The following NPSR1 variants were observed in gnomAD, a reference collection of about 807,000 sequenced individuals.
The protein encoded by NPSR1 is neuropeptide S receptor.
Under a neutral mutation model 46.9 loss-of-function variants are expected in NPSR1, and 48 were observed. The ratio of observed to expected loss-of-function variants is 1.02; its 90% CI spans 0.81 to 1.30. NPSR1 has a LOEUF of 1.30. Among genes scored for constraint, NPSR1 ranks in the 50% most tolerant of loss-of-function variants. The pLI, the probability that NPSR1 is intolerant of heterozygous loss-of-function variation, is 0.00. For missense variants in NPSR1, 450 were observed against 449.5 expected, an observed-to-expected ratio of 1.00 and a Z score of -0.01; for synonymous variants, 176 against 168.1, an observed-to-expected ratio of 1.05 and a Z score of -0.36.
At chr7:34,804,845 A>G (rs1038723295) in intron 3 of NPSR1, among the ~76,000 whole-genome samples, 2 of 152,052 alleles carry the variant, frequency 1.3e-5, no homozygotes, top group African/African-American at 4.8e-5. Context: ...AAAAAATGGC[A>G]ACACTGAAGA....
In NPSR1 at chr7:34,684,922, A is replaced by C. The variant is rs933265080; in HGVS notation, c.280+238A>C. The stretch of plus-strand genomic sequence containing the variant: ...CTACACTAATGGAAATATCATTATC[A>C]GTATCACCAAATGGTTCTATAGGGT... On this transcript the variant is annotated intron_variant, in intron 2 of 8. Transcript: ENST00000360581. 2.6e-5 allele frequency among the ~76,000 whole-genome samples: 4 copies of C among 152,252 alleles called. No homozygotes were observed. The East Asian group carries it at 7.7e-4, about 29-fold the overall frequency.
intron 2 of NPSR1, among the ~76,000 whole-genome samples, chr7:34,703,392 A>C (rs1230433212): frequency 7.3e-6 from 1 of 136,460 alleles, no homozygotes; most frequent in African/African-American, 2.9e-5. Context: ...ATAAATAAAT[A>C]AATAAATAAA....
intron 3 of NPSR1, among the ~76,000 whole-genome samples, chr7:34,796,521 C>G (rs1484724589): frequency 1.3e-5 from 2 of 152,004 alleles, no homozygotes; most frequent in African/African-American, 4.8e-5. Context: ...GTCAAAAAAA[C>G]AGACACCTCA....
At chr7:34,660,003 C>A in intron 1 of NPSR1, 1 of 431,964 alleles carries the variant, frequency 2.3e-6, no homozygotes, top group South Asian at 1.7e-5. Flanking sequence ...TGGCAAGAAT[C>A]AATCTCAGCT....
intron 3 of NPSR1, among the ~76,000 whole-genome samples, chr7:34,808,835 G>A (rs1332891549): frequency 2.0e-5 from 3 of 152,152 alleles, no homozygotes; most frequent in Non-Finnish European, 4.4e-5. Context: ...AAAGAGGTAT[G>A]ATAATTTAAG....
chr7:34,843,209 T>C (rs1482035013), intron 6 of NPSR1, among the ~76,000 whole-genome samples: 1 of 152,178 alleles, frequency 6.6e-6, no homozygotes, highest in African/African-American at 2.4e-5. Context: ...GACTGGGAAA[T>C]TTATTTTTAA....
chr7:34,847,070 T>C (rs933027141), intron 7 of NPSR1, among the ~76,000 whole-genome samples: 13 of 152,174 alleles, frequency 8.5e-5, no homozygotes, highest in Non-Finnish European at 1.0e-4. Flanking sequence ...TTAATCAGGA[T>C]CCAGAACACT....
At chr7:34,708,527 A>G (rs1385434347) in intron 2 of NPSR1, among the ~76,000 whole-genome samples, 1 of 152,200 alleles carries the variant, frequency 6.6e-6, no homozygotes, top group Non-Finnish European at 1.5e-5. Flanking sequence ...GGTAATCCCA[A>G]CGTCCAGTGC....
At chr7:34,863,464 T>G (rs973286842) in intron 8 of NPSR1, among the ~76,000 whole-genome samples, 3 of 151,460 alleles carry the variant, frequency 2.0e-5, no homozygotes, top group African/African-American at 7.3e-5. Context: ...TGGGAGAAAA[T>G]TTTTGCAATC....
At chr7:34,759,797 T>C (rs1786070205) in intron 2 of NPSR1, among the ~76,000 whole-genome samples, 1 of 152,224 alleles carries the variant, frequency 6.6e-6, no homozygotes, top group Non-Finnish European at 1.5e-5. Flanking sequence ...TTTGGAGTTA[T>C]CACAAAGACT....
intron 4 of NPSR1, among the ~76,000 whole-genome samples, chr7:34,818,556 T>C (rs1289898054): frequency 6.6e-6 from 1 of 152,068 alleles, no homozygotes; most frequent in East Asian, 1.9e-4. Flanking sequence ...TTCACAGAAT[T>C]GGAAAAAACT....
chr7:34,754,312 G>A (rs1190025830), intron 2 of NPSR1, among the ~76,000 whole-genome samples: 1 of 152,190 alleles, frequency 6.6e-6, no homozygotes, highest in Non-Finnish European at 1.5e-5. Flanking sequence ...TCTGTTTGAT[G>A]TAAGAGTGGT....
At chr7:34,804,253 A>G (rs1461722611) in intron 3 of NPSR1, among the ~76,000 whole-genome samples, 2 of 152,122 alleles carry the variant, frequency 1.3e-5, no homozygotes, top group Non-Finnish European at 2.9e-5. Context: ...TAAATGCAAA[A>G]ATTCTCAATA....
intron 6 of NPSR1, among the ~76,000 whole-genome samples, chr7:34,835,135 G>A (rs954944973): frequency 6.6e-6 from 1 of 152,216 alleles, no homozygotes; most frequent in African/African-American, 2.4e-5. Context: ...AGCAAACCAA[G>A]GGGCCAAAAG....
chr7:34,697,322 A>C (rs1793580658), intron 2 of NPSR1, among the ~76,000 whole-genome samples: 1 of 151,960 alleles, frequency 6.6e-6, no homozygotes. Flanking sequence ...TTTTAATGTC[A>C]AGGAGGTGTG....
chr7:34,827,056 T>C (rs1279603454), intron 4 of NPSR1, among the ~76,000 whole-genome samples: 6 of 152,204 alleles, frequency 3.9e-5, no homozygotes, highest in Admixed American at 3.9e-4. Flanking sequence ...ACTCAGCATT[T>C]GCACCGCAAC....
chr7:34,696,708 C>CA (rs1793549478), intron 2 of NPSR1, among the ~76,000 whole-genome samples: 1 of 151,792 alleles, frequency 6.6e-6, no homozygotes, highest in East Asian at 1.9e-4. Flanking sequence ...AAATAAAAAG[C>CA]ATATGGAAGT....
At chr7:34,700,447 C>T (rs1793766256) in intron 2 of NPSR1, among the ~76,000 whole-genome samples, 2 of 152,184 alleles carry the variant, frequency 1.3e-5, no homozygotes, top group Non-Finnish European at 2.9e-5. Context: ...ATTTAATCCT[C>T]ACACAGGGAT....
At chr7:34,658,801 C>T (rs1341985985) in intron 1 of NPSR1, among the ~76,000 whole-genome samples, 1 of 152,144 alleles carries the variant, frequency 6.6e-6, no homozygotes, top group African/African-American at 2.4e-5. Flanking sequence ...ATGTGTGAAT[C>T]GTGAGTAACA....
Sources: gnomAD v4.1 joint callset for allele counts (sites outside exome capture counted in the v4.1 genomes callset) on GRCh38, gnomAD v4.1.1 for gene constraint, MANE v1.5 for transcripts, NCBI Gene and HGNC (gene_info 2026-07-23, HGNC 2026-07-21) for gene names.